The following PACSIN2 variants were observed in gnomAD, a reference collection of about 807,000 sequenced individuals.
PACSIN2 encodes the protein protein kinase C and casein kinase substrate in neurons 2.
PACSIN2 carries 25 observed loss-of-function variants against 63.8 expected under a neutral mutation model. That is an observed-to-expected ratio of 0.39 (90% CI 0.29 to 0.55). The LOEUF is 0.55. Among genes scored for constraint, PACSIN2 ranks in the 20% least tolerant of loss-of-function variants. The pLI, the probability that PACSIN2 is intolerant of heterozygous loss-of-function variation, is 0.62. For missense variants in PACSIN2, 518 were observed against 646.9 expected (o/e 0.80, Z 2.16); for synonymous variants, 255 against 256.2 (o/e 1.00, Z 0.05).
At position 42,879,007 on chromosome 22, in the gene PACSIN2, C is replaced by A. The variant is rs757593212; in HGVS notation, c.1028+41G>T. The A allele has an allele frequency of 5.6e-6, 9 of 1,594,484 alleles. No homozygotes were observed. The African/African-American group carries it at 1.2e-4, about 21-fold the overall frequency. The stretch of plus-strand genomic sequence containing the variant: ...CATGCAGATTGCCCAGGGCCCCCAC[C>A]ATGGAACGGCCTCTTTTGGATGGAG... On this transcript the variant is annotated intron_variant, in intron 8 of 10. Coordinates refer to ENST00000263246, the MANE Select transcript of PACSIN2 (RefSeq NM_001184970.3).
At position 42,982,885 on chromosome 22, in the gene PACSIN2, A is replaced by AT. The variant is rs1343797861; in HGVS notation, c.-78+32135_-78+32136insA. Among the ~76,000 whole-genome samples, 14 of 133,172 alleles carry AT rather than the reference A, an allele frequency of 1.1e-4. 1 individual carries two copies. Among genetic ancestry groups the AT allele is most frequent in the Non-Finnish European group, 3.3e-5 (2 of 61,012 alleles). The allele number at this position is 133,172 out of a possible 152,430, so 87.4% of individuals were successfully genotyped here. On this transcript the variant is annotated intron_variant, in intron 1 of 10. Coordinates refer to ENST00000263246, the MANE Select transcript of PACSIN2 (RefSeq NM_001184970.3). ...AATGATCAATAAAAAAAAAAAAAAA[A>AT]AAAAACAACAACAAGGCTAGGAGCA... is the stretch of plus-strand genomic sequence containing the variant.
chr22:42,963,231 G>A (rs893559514), intron 1 of PACSIN2, among the ~76,000 whole-genome samples: 5 of 152,248 alleles, frequency 3.3e-5, no homozygotes, highest in Non-Finnish European at 7.3e-5. Context: ...CTGAGCAGAA[G>A]TGCAAATAAA....
chr22:42,876,004 A>C, intron 10 of PACSIN2, 133 bp downstream of exon 10: 1 of 700,942 alleles, frequency 1.4e-6, no homozygotes. Context: ...AAGCCAGGGC[A>C]CTGGGGAAGG....
At chr22:42,923,212 G>A (rs994980587) in intron 1 of PACSIN2, among the ~76,000 whole-genome samples, 1 of 152,182 alleles carries the variant, frequency 6.6e-6, no homozygotes, top group African/African-American at 2.4e-5. Flanking sequence ...AACTGTAGCT[G>A]TATGCACTGT....
At chr22:42,877,092 C>G in intron 8 of PACSIN2, 82 bp from the exon 9 acceptor site, 1 of 1,495,412 alleles carries the variant, frequency 6.7e-7, no homozygotes, top group Non-Finnish European at 9.3e-7. Context: ...TGCAGGATCT[C>G]AAGAGACAAA....
chr22:42,878,211 A>G (rs1459142011), intron 8 of PACSIN2, among the ~76,000 whole-genome samples: 1 of 152,076 alleles, frequency 6.6e-6, no homozygotes, highest in East Asian at 1.9e-4. Context: ...TCCCACCCCC[A>G]AGCATACAGG....
intron 1 of PACSIN2, among the ~76,000 whole-genome samples, chr22:42,965,422 G>A (rs1017242147): frequency 6.6e-6 from 1 of 152,106 alleles, no homozygotes; most frequent in Non-Finnish European, 1.5e-5. Context: ...TCAATAAAGA[G>A]GAAGAAGGCG....
intron 1 of PACSIN2, among the ~76,000 whole-genome samples, chr22:42,962,613 TC>T (rs1366277413): frequency 6.6e-6 from 1 of 151,650 alleles, no homozygotes; most frequent in Non-Finnish European, 1.5e-5. Flanking sequence ...GAGGGCCACA[TC>T]CAGCACAGGG....
intron 1 of PACSIN2, among the ~76,000 whole-genome samples, chr22:42,945,266 G>A (rs1933365107): frequency 1.3e-5 from 2 of 152,096 alleles, no homozygotes; most frequent in Admixed American, 6.6e-5. Context: ...TCTTTGGGGA[G>A]GGAGCTGACA....
Position 42,870,828 on chromosome 22 carries a change from GGGAATA to G in PACSIN2, c.*523_*528del, listed in dbSNP as rs1158826889. 1 of 154,524 alleles carries G rather than the reference GGGAATA, an allele frequency of 6.5e-6. No homozygotes were observed. The highest frequency in any genetic ancestry group is 1.4e-5 in the Non-Finnish European group (1 of 69,304). The allele number at this position is 154,524 out of a possible 1,614,324, so 9.6% of individuals were successfully genotyped here. On this transcript the variant is annotated 3_prime_UTR_variant, in exon 11 of 11. Coordinates refer to ENST00000263246, the MANE Select transcript of PACSIN2 (RefSeq NM_001184970.3). ...ACGGCGTGGCTGAGTAACAGGGTAAGGGAATAGGGAGATCGTTTCCTCAAGACTGGT... is the reference window on the plus strand; with the variant it reads ...ACGGCGTGGCTGAGTAACAGGGTAAGGGGAGATCGTTTCCTCAAGACTGGT...
intron 1 of PACSIN2, among the ~76,000 whole-genome samples, chr22:42,986,426 T>G (rs1922614705): frequency 6.6e-6 from 1 of 151,944 alleles, no homozygotes; most frequent in Non-Finnish European, 1.5e-5. Context: ...CTAAAAGAAA[T>G]GACCTTGGTT....
At chr22:42,904,430 G>A (rs1159209159) in intron 2 of PACSIN2, among the ~76,000 whole-genome samples, 5 of 152,218 alleles carry the variant, frequency 3.3e-5, no homozygotes, top group Non-Finnish European at 7.3e-5. Flanking sequence ...TCCTCAGGGA[G>A]GCGCCCCCAC....
At chr22:42,908,683 T>G (rs966573635) in intron 2 of PACSIN2, among the ~76,000 whole-genome samples, 1 of 152,192 alleles carries the variant, frequency 6.6e-6, no homozygotes, top group Non-Finnish European at 1.5e-5. Context: ...CCCACACGAC[T>G]TCCCATTTTG....
intron 5 of PACSIN2, among the ~76,000 whole-genome samples, chr22:42,885,321 C>A (rs1390448598): frequency 2.0e-5 from 3 of 152,148 alleles, no homozygotes; most frequent in Non-Finnish European, 4.4e-5. Context: ...GCATGCAGGG[C>A]CACCAGTTTG....
At chr22:42,971,135 A>G (rs933109290) in intron 1 of PACSIN2, among the ~76,000 whole-genome samples, 1 of 152,226 alleles carries the variant, frequency 6.6e-6, no homozygotes, top group Non-Finnish European at 1.5e-5. Flanking sequence ...TCTGATGCCG[A>G]GCCAAAGCTG....
At chr22:42,892,522 C>T (rs568266814) in intron 3 of PACSIN2, among the ~76,000 whole-genome samples, 7 of 152,322 alleles carry the variant, frequency 4.6e-5, no homozygotes, top group South Asian at 2.1e-4. Context: ...CTCTGACTGA[C>T]AGCTTGATCC....
chr22:42,956,503 C>T (rs1432829420), intron 1 of PACSIN2, among the ~76,000 whole-genome samples: 2 of 152,164 alleles, frequency 1.3e-5, no homozygotes, highest in African/African-American at 4.8e-5. Context: ...GTCATTCATT[C>T]ATTCATTCAT....
At chr22:42,927,505 TC>T (rs552957447) in intron 1 of PACSIN2, among the ~76,000 whole-genome samples, 96 of 152,292 alleles carry the variant, frequency 6.3e-4, no homozygotes, top group Middle Eastern at 3.4e-3. Context: ...CATCTTGGCC[TC>T]CCAAAGTGCT....
intron 1 of PACSIN2, among the ~76,000 whole-genome samples, chr22:42,945,066 C>G (rs528563120): frequency 6.7e-6 from 1 of 149,440 alleles, no homozygotes; most frequent in East Asian, 2.0e-4. Context: ...CCACTGTACT[C>G]TAGCCTGGAC....
Sources: allele counts gnomAD v4.1 joint callset (sites outside exome capture counted in the v4.1 genomes callset), GRCh38; gene constraint gnomAD v4.1.1; transcripts MANE v1.5; gene names NCBI Gene and HGNC (gene_info 2026-07-23, HGNC 2026-07-21).